The following AGL variants were observed in gnomAD, a reference collection of about 807,000 sequenced individuals.
AGL encodes the protein glycogen debranching enzyme.
Under a neutral mutation model 199.3 loss-of-function variants are expected in AGL, and 128 were observed. The ratio of observed to expected loss-of-function variants is 0.64; its 90% CI spans 0.56 to 0.74. The LOEUF is 0.74. AGL is among the 30% of genes least tolerant of loss of function. The pLI is 0.00. For missense variants in AGL, 1,809 were observed against 1,820.8 expected, an observed-to-expected ratio of 0.99 and a Z score of 0.12; for synonymous variants, 584 against 594.7, an observed-to-expected ratio of 0.98 and a Z score of 0.26.
At chr1:99,891,530 CA>C in intron 22 of AGL, 75 bp from the exon 23 acceptor site, 1 of 1,556,694 alleles carries the variant, frequency 6.4e-7, no homozygotes, top group Non-Finnish European at 8.9e-7. Flanking sequence ...TAAAGTTGCA[CA>C]TTTAGATTTA....
rs755380433 is a variant in AGL, at chr1:99,881,055, TTTG to T, written c.1900-10_1900-8del. The T allele has an allele frequency of 3.7e-5, 59 of 1,598,246 alleles. 1 individual carries two copies. In the Middle Eastern group the frequency reaches 2.1e-3, roughly 58 times the overall value. On this transcript the variant is annotated intron_variant, in intron 14 of 33. Transcript: ENST00000361915. ...CATTTGAAAGAAAGCAAACTTTTGC[TTTG>T]TTGTTGTTGTCTTCTAGCATAGATC...
At chr1:99,858,240 C>T (rs909999931) in intron 2 of AGL, among the ~76,000 whole-genome samples, 1 of 152,142 alleles carries the variant, frequency 6.6e-6, no homozygotes, top group African/African-American at 2.4e-5. Context: ...GTTTGAGATT[C>T]GTCCTTTTCA....
intron 27 of AGL, among the ~76,000 whole-genome samples, chr1:99,910,381 A>G (rs1654652189): frequency 6.6e-6 from 1 of 152,184 alleles, no homozygotes; most frequent in South Asian, 2.1e-4. Flanking sequence ...TGAATAAACT[A>G]CAGTGTTTAT....
rs1655048891 is a variant in AGL, at chr1:99,915,489, A to T, written c.4259+3A>T. The T allele has an allele frequency of 6.3e-7, 1 of 1,588,990 alleles. No homozygotes were observed. The highest frequency in any genetic ancestry group is 8.6e-7 in the Non-Finnish European group (1 of 1,157,204). ...GGCATGAAAACTTTAGATCCAGAGT[A>T]AGTTGGAATATAAGTATTAAGAATG... On this transcript the variant is annotated splice_donor_region_variant and intron_variant, in intron 31 of 33. Coordinates refer to ENST00000361915, the MANE Select transcript of AGL (RefSeq NM_000642.3).
At chr1:99,905,878 A>G (rs955051379) in intron 27 of AGL, among the ~76,000 whole-genome samples, 2 of 151,982 alleles carry the variant, frequency 1.3e-5, no homozygotes, top group Non-Finnish European at 2.9e-5. Context: ...ACTGAGCTCA[A>G]TCTCTTTTGT....
At chr1:99,868,206 T>G (rs1650695994) in intron 5 of AGL, among the ~76,000 whole-genome samples, 1 of 152,248 alleles carries the variant, frequency 6.6e-6, no homozygotes, top group Non-Finnish European at 1.5e-5. Context: ...TCTTCTTTCA[T>G]GTAGAATTAG....
chr1:99,889,272 T>G (rs1652700186), intron 21 of AGL, among the ~76,000 whole-genome samples: 1 of 152,256 alleles, frequency 6.6e-6, no homozygotes, highest in South Asian at 2.1e-4. Context: ...TTTTTATGCT[T>G]CTTGTCTTTT....
In AGL at chr1:99,891,617, GT is replaced by G. The variant is rs1313973421; in HGVS notation, c.2963del (p.Leu988CysfsTer8). On this transcript the variant is annotated frameshift_variant, in exon 23 of 34. Coordinates refer to ENST00000361915, the MANE Select transcript of AGL (RefSeq NM_000642.3). LOFTEE classifies it high-confidence loss of function. ...TATTTTAATTACAGGTTGGTAAATG[GT>G]TGCAGGCTATGTTCTTCTACCTGAA... Reference protein sequence around the residue: ...SGTIAEVGKWLQAMFFYLKQI... With the variant: ...SGTIAEVGKWXQAMFFYLKQI... 1.7e-5 allele frequency: 28 copies of G among 1,613,368 alleles called. No individual in the cohort carries two copies. The highest frequency in any genetic ancestry group is 2.3e-5 in the Non-Finnish European group (27 of 1,179,634).
chr1:99,902,979 C>G (rs959872472), intron 27 of AGL, among the ~76,000 whole-genome samples, 185 bp downstream of exon 27: 1 of 152,136 alleles, frequency 6.6e-6, no homozygotes, highest in South Asian at 2.1e-4. Context: ...TATCTTTTGT[C>G]AGCCAGTTTG....
In AGL at chr1:99,864,585, T is replaced by C; in HGVS notation, c.660T>C (p.His220=). 6.2e-7 allele frequency: 1 copy of C among 1,613,030 alleles called. No homozygotes were observed. Among genetic ancestry groups the C allele is most frequent in the Non-Finnish European group, 8.5e-7 (1 of 1,179,216 alleles). The change falls in exon 5 of 34, where the codon CAT becomes CAC. Residue 220 remains histidine, a synonymous_variant. Transcript: ENST00000361915. The part of the protein sequence containing the change: ...VICITDVVYN[H]TAANSKWIQE... ...GTATTACTGATGTTGTCTACAATCATACTGGTATGAGCTTCATTGACTGCC... is the reference window on the plus strand; with the variant it reads ...GTATTACTGATGTTGTCTACAATCACACTGGTATGAGCTTCATTGACTGCC...
chr1:99,909,033 C>T (rs1356235173), intron 27 of AGL, among the ~76,000 whole-genome samples: 3 of 152,114 alleles, frequency 2.0e-5, no homozygotes, highest in African/African-American at 7.2e-5. Flanking sequence ...TTTCCAGCTT[C>T]CTCCTCTTCA....
At chr1:99,850,633 C>T (rs926534466) in intron 1 of AGL, 1 of 208,768 alleles carries the variant, frequency 4.8e-6, no homozygotes, top group Non-Finnish European at 9.7e-6. Flanking sequence ...GCAGAAGTGC[C>T]ATTCGGAGTC....
At chr1:99,861,211 G>A in intron 2 of AGL, 1 of 1,264,306 alleles carries the variant, frequency 7.9e-7, no homozygotes, top group South Asian at 1.6e-5. Flanking sequence ...AAATGGGGTT[G>A]TATAAGAATT....
chr1:99,871,421 C>G (rs369460397), intron 7 of AGL, among the ~76,000 whole-genome samples: 4 of 117,746 alleles, frequency 3.4e-5, no homozygotes, highest in South Asian at 3.0e-4. Context: ...CCCCCCCCCC[C>G]CCAACAAAAT....
At chr1:99,907,743 G>T (rs975902783) in intron 27 of AGL, among the ~76,000 whole-genome samples, 1 of 146,582 alleles carries the variant, frequency 6.8e-6, no homozygotes, top group African/African-American at 2.5e-5. Context: ...GTATCTAATG[G>T]TTTTGATTTG....
intron 5 of AGL, among the ~76,000 whole-genome samples, chr1:99,867,562 CTT>C (rs778624673): frequency 4.8e-5 from 7 of 145,818 alleles, no homozygotes; most frequent in African/African-American, 7.5e-5. Flanking sequence ...TTTTTTTTCT[CTT>C]TTTTTTTTTG....
intron 22 of AGL, 33 bp from the exon 23 acceptor site, chr1:99,891,573 C>T: frequency 1.2e-6 from 2 of 1,611,718 alleles, no homozygotes; most frequent in Non-Finnish European, 1.7e-6. Flanking sequence ...TGTACACATA[C>T]CAAATTAACT....
At chr1:99,876,058 A>G (rs1651505602) in intron 10 of AGL, among the ~76,000 whole-genome samples, 1 of 152,150 alleles carries the variant, frequency 6.6e-6, no homozygotes, top group Admixed American at 6.5e-5. Flanking sequence ...TAGTTTTAGT[A>G]GAGACGGGGT....
chr1:99,857,337 C>A (rs185790465), intron 2 of AGL, among the ~76,000 whole-genome samples: 2 of 150,006 alleles, frequency 1.3e-5, no homozygotes, highest in Admixed American at 6.6e-5. Context: ...ACTGGGCAGC[C>A]GGGCAGAGGG....
Sources: gnomAD v4.1 joint callset for allele counts (sites outside exome capture counted in the v4.1 genomes callset) on GRCh38, gnomAD v4.1.1 for gene constraint, MANE v1.5 for transcripts, NCBI Gene and HGNC (gene_info 2026-07-23, HGNC 2026-07-21) for gene names.